TMEM169: variants seen among roughly 807,000 people sequenced by gnomAD.
TMEM169 encodes transmembrane protein 169.
Under a neutral mutation model 27.3 loss-of-function variants are expected in TMEM169, and 18 were observed. The observed-to-expected ratio is 0.66, with a 90% CI of 0.46 to 0.98. TMEM169 has a LOEUF of 0.98. Among genes scored for constraint, TMEM169 ranks in the 50% least tolerant of loss-of-function variants. The pLI is 0.00. For synonymous variants in TMEM169, 136 were observed against 142.1 expected (o/e 0.96, Z 0.30); for missense variants, 320 against 368.6 (o/e 0.87, Z 1.08).
chr2:216,095,109 C>CTTTTTTT lies in TMEM169; in HGVS notation c.-126-721_-126-715dup, dbSNP rs71047975. 2.9e-3 allele frequency among the ~76,000 whole-genome samples: 324 copies of CTTTTTTT among 110,446 alleles called. 24 individuals carry two copies. The highest frequency in any genetic ancestry group is 0.012 in the African/African-American group (304 of 24,502). 72.5% of individuals were successfully genotyped at this position (110,446 alleles called of 152,430 possible). A position where few individuals can be genotyped will look rare whatever the true frequency, so the allele number is the denominator to read the frequency against. On this transcript the variant is annotated intron_variant, in intron 1 of 2. Transcript: ENST00000437356. ...AGCCACCTATGGTTCTTTTTTCTTT[C>CTTTTTTT]TTTTTTTTTTTTTTGACAGAGTCTC...
At position 216,102,284 on chromosome 2, in the gene TMEM169, A is replaced by G. The variant is rs1559231661; in HGVS notation, c.*1742A>G. 1 of 152,164 alleles carries G rather than the reference A, an allele frequency of 6.6e-6. No individual in the cohort carries two copies. Among genetic ancestry groups the G allele is most frequent in the Non-Finnish European group, 1.5e-5 (1 of 68,032 alleles). The allele number at this position is 152,164 out of a possible 1,614,324, so 9.4% of individuals were successfully genotyped here. On this transcript the variant is annotated 3_prime_UTR_variant, in exon 3 of 3. Coordinates refer to ENST00000437356, the MANE Select transcript of TMEM169 (RefSeq NM_001142311.2). The stretch of plus-strand genomic sequence containing the variant: ...GACCTTTCTGAGTTTAACCACAGAC[A>G]TGATCTTTGCTGTGCTGAGAAACTT...
chr2:216,092,352 T>G (rs550427979), intron 1 of TMEM169, among the ~76,000 whole-genome samples: 2 of 151,608 alleles, frequency 1.3e-5, no homozygotes, highest in East Asian at 1.9e-4. Context: ...CCTTTTTATG[T>G]TTTTTTTTAA....
At position 216,100,756 on chromosome 2, in the gene TMEM169, T is replaced by G; in HGVS notation, c.*214T>G. 1 of 622,960 alleles carries G rather than the reference T, an allele frequency of 1.6e-6. No individual in the cohort carries two copies. Among genetic ancestry groups the G allele is most frequent in the Non-Finnish European group, 2.8e-6 (1 of 362,020 alleles). 38.6% of individuals were successfully genotyped at this position (622,960 alleles called of 1,614,324 possible). ...GCAGTTCACCCAATGGACAAACTCT[T>G]TTTGATTCCCTGCCCTAAAATCACC... On this transcript the variant is annotated 3_prime_UTR_variant, in exon 3 of 3. Transcript: ENST00000437356.
At chr2:216,087,894 C>T (rs900488087) in intron 1 of TMEM169, among the ~76,000 whole-genome samples, 2 of 152,200 alleles carry the variant, frequency 1.3e-5, no homozygotes, top group Non-Finnish European at 2.9e-5. Flanking sequence ...TATGGTGGCT[C>T]ACACCTGTAA....
At chr2:216,090,613 A>G (rs1302876354) in intron 1 of TMEM169, among the ~76,000 whole-genome samples, 2 of 152,198 alleles carry the variant, frequency 1.3e-5, no homozygotes, top group Non-Finnish European at 2.9e-5. Flanking sequence ...TTCACAGAAT[A>G]CTAAAAGGTT....
intron 1 of TMEM169, among the ~76,000 whole-genome samples, chr2:216,090,736 C>T (rs828921): frequency 3.7e-3 from 565 of 152,312 alleles, no homozygotes; most frequent in South Asian, 0.012. Context: ...TATTGACGCA[C>T]ATAATTGTGT....
chr2:216,083,499 A>G (rs1331826400), intron 1 of TMEM169, among the ~76,000 whole-genome samples: 1 of 152,166 alleles, frequency 6.6e-6, no homozygotes, highest in Non-Finnish European at 1.5e-5. Context: ...ATAACTTAAC[A>G]TGATTTATGC....
chr2:216,084,002 C>G (rs1695938077), intron 1 of TMEM169, among the ~76,000 whole-genome samples: 1 of 152,166 alleles, frequency 6.6e-6, no homozygotes, highest in Non-Finnish European at 1.5e-5. Context: ...GCTGCACTGA[C>G]CACTCCTTTG....
intron 2 of TMEM169, among the ~76,000 whole-genome samples, chr2:216,098,910 G>C (rs1478996636): frequency 6.6e-6 from 1 of 151,758 alleles, no homozygotes; most frequent in Non-Finnish European, 1.5e-5. Context: ...TATGTGTAGT[G>C]TGGTATGTAT....
At chr2:216,086,358 C>T (rs1362753062) in intron 1 of TMEM169, among the ~76,000 whole-genome samples, 1 of 152,138 alleles carries the variant, frequency 6.6e-6, no homozygotes, top group East Asian at 1.9e-4. Flanking sequence ...CCACCGTGAC[C>T]AGCCTGTTAA....
chr2:216,086,002 A>G (rs1695986438), intron 1 of TMEM169, among the ~76,000 whole-genome samples: 1 of 152,172 alleles, frequency 6.6e-6, no homozygotes, highest in Non-Finnish European at 1.5e-5. Flanking sequence ...CCCTCCTACA[A>G]TGACCAAGAG....
Position 216,099,185 on chromosome 2 carries a change from G to A in TMEM169, c.272-735G>A, listed in dbSNP as rs921950121. Among the ~76,000 whole-genome samples, 1 of 151,118 alleles carries A rather than the reference G, an allele frequency of 6.6e-6. No individual in the cohort carries two copies. Among genetic ancestry groups the A allele is most frequent in the Non-Finnish European group, 1.5e-5 (1 of 67,696 alleles). On this transcript the variant is annotated intron_variant, in intron 2 of 2. Transcript: ENST00000437356. The surrounding 1 kb of genome is among the most constrained non-coding windows in gnomAD (Gnocchi z 5.0). ...TATGTGGTATGTGTGGGGAGGTTGT[G>A]TGTGGCATGTGTGTGGTGTATGTGT...
At chr2:216,093,446 G>A (rs1224468291) in intron 1 of TMEM169, among the ~76,000 whole-genome samples, 1 of 152,074 alleles carries the variant, frequency 6.6e-6, no homozygotes, top group Admixed American at 6.6e-5. Context: ...AAGCTCCATG[G>A]ATAAGAATTT....
Position 216,101,530 on chromosome 2 carries a change from G to C in TMEM169, c.*988G>C, listed in dbSNP as rs923083131. ...GTCTCACTCTGTTGCCGAGGCTGGA[G>C]TGCAGTGGCACTATCTCGGCTCACT... On this transcript the variant is annotated 3_prime_UTR_variant, in exon 3 of 3. Transcript: ENST00000437356. 1.3e-5 allele frequency: 2 copies of C among 152,370 alleles called. No individual in the cohort carries two copies. Among genetic ancestry groups the C allele is most frequent in the African/African-American group, 4.8e-5 (2 of 41,464 alleles). 9.4% of individuals were successfully genotyped at this position (152,370 alleles called of 1,614,324 possible).
chr2:216,100,210 T>C lies in TMEM169; in HGVS notation c.562T>C (p.Tyr188His). The change falls in exon 3 of 3, where the codon TAC becomes CAC. Residue 188 changes from tyrosine (Y) to histidine (H), a missense_variant. Coordinates refer to ENST00000437356, the MANE Select transcript of TMEM169 (RefSeq NM_001142311.2). Reference sequence around the variant, plus strand: ...TTTCTACTACGGCACTATCACCTGGTACAACATCTTCCTCGTGTATAATGA... The same window carrying C: ...TTTCTACTACGGCACTATCACCTGGCACAACATCTTCCTCGTGTATAATGA... ...VSFYYGTITW[Y>H]NIFLVYNEER... 6.2e-7 allele frequency: 1 copy of C among 1,613,918 alleles called. No homozygotes were observed. The highest frequency in any genetic ancestry group is 1.1e-5 in the South Asian group (1 of 91,064).
At chr2:216,088,130 C>T (rs979287198) in intron 1 of TMEM169, among the ~76,000 whole-genome samples, 2 of 150,126 alleles carry the variant, frequency 1.3e-5, no homozygotes, top group East Asian at 2.0e-4. Flanking sequence ...TGCACTCCAG[C>T]CTGGGTGACC....
rs189059967 is a variant in TMEM169 at position 216,089,692 on chromosome 2, G to A, written c.-126-6146G>A. 5.9e-4 allele frequency among the ~76,000 whole-genome samples: 90 copies of A among 152,228 alleles called. 1 individual carries two copies. Among genetic ancestry groups the A allele is most frequent in the Admixed American group, 3.0e-3 (46 of 15,286 alleles). ...TGGTCTTGAATTCCTGACCTCAAGT[G>A]ATCCGCCCATCTTGCCCTTCCAAAA... On this transcript the variant is annotated intron_variant, in intron 1 of 2. Transcript: ENST00000437356.
chr2:216,082,928 C>G (rs1442755382), intron 1 of TMEM169: 1 of 152,192 alleles, frequency 6.6e-6, no homozygotes, highest in Non-Finnish European at 1.5e-5. Flanking sequence ...TTTGTTGGAC[C>G]TACCACCTAG....
Position 216,099,894 on chromosome 2 carries a change from A to T in TMEM169, c.272-26A>T, listed in dbSNP as rs1559229815. ...TGCAATGCCCACTCTTCTGATCTTG[A>T]CTCTCACCTCCTTTGTACCCTGCAG... On this transcript the variant is annotated intron_variant, in intron 2 of 2. Coordinates refer to ENST00000437356, the MANE Select transcript of TMEM169 (RefSeq NM_001142311.2). This position sits in a 1 kb window ranked among gnomAD's most constrained non-coding sequence, Gnocchi z 5.0. 1 of 1,587,488 alleles carries T rather than the reference A, an allele frequency of 6.3e-7. No individual in the cohort carries two copies. Among genetic ancestry groups the T allele is most frequent in the Non-Finnish European group, 8.6e-7 (1 of 1,169,418 alleles).
Sources: gnomAD v4.1 joint callset for allele counts (sites outside exome capture counted in the v4.1 genomes callset) on GRCh38, gnomAD v4.1.1 for gene constraint, Gnocchi (gnomAD v3.1) non-coding constraint, MANE v1.5 for transcripts, NCBI Gene and HGNC (gene_info 2026-07-23, HGNC 2026-07-21) for gene names.